GABRB1: variants seen among roughly 807,000 people sequenced by gnomAD.
GABRB1 encodes gamma-aminobutyric acid receptor subunit beta-1.
GABRB1 carries 17 observed loss-of-function variants against 51.6 expected under a neutral mutation model. The ratio of observed to expected loss-of-function variants is 0.33; its 90% CI spans 0.23 to 0.49. GABRB1 has a LOEUF of 0.49. GABRB1 is among the 20% of genes least tolerant of loss of function. The pLI is 0.99. For synonymous variants in GABRB1, 247 were observed against 218.9 expected (o/e 1.13, Z -1.14); for missense variants, 410 against 600.6 (o/e 0.68, Z 3.32).
chr4:47,368,814 A>G (rs1727083271), intron 5 of GABRB1, among the ~76,000 whole-genome samples: 1 of 152,164 alleles, frequency 6.6e-6, no homozygotes, highest in African/African-American at 2.4e-5. Context: ...ACTTTCATAA[A>G]AAGTTGCTCT....
chr4:47,085,816 G>A (rs1033529869), intron 3 of GABRB1, among the ~76,000 whole-genome samples: 8 of 152,100 alleles, frequency 5.3e-5, no homozygotes, highest in East Asian at 1.9e-4. Context: ...AATTTGTGCC[G>A]GCTGTGCCCT....
chr4:47,121,959 A>T (rs981730092), intron 3 of GABRB1, among the ~76,000 whole-genome samples: 1 of 151,824 alleles, frequency 6.6e-6, no homozygotes, highest in Non-Finnish European at 1.5e-5. Flanking sequence ...TTTGTTAGGC[A>T]TGATCTTCTT....
intron 4 of GABRB1, among the ~76,000 whole-genome samples, chr4:47,303,382 C>CTA (rs1196726749): frequency 2.4e-5 from 3 of 126,740 alleles, no homozygotes; most frequent in Non-Finnish European, 5.0e-5. Flanking sequence ...CTCTCTCTCT[C>CTA]TCTCTATATA....
chr4:47,410,007 G>A (rs1458789451), intron 8 of GABRB1, among the ~76,000 whole-genome samples: 2 of 152,268 alleles, frequency 1.3e-5, no homozygotes, highest in East Asian at 3.9e-4. Context: ...TTCATAAACA[G>A]GCTGTTTGAG....
chr4:47,322,769 G>A (rs189780523), intron 5 of GABRB1, among the ~76,000 whole-genome samples: 7 of 152,094 alleles, frequency 4.6e-5, no homozygotes, highest in East Asian at 1.9e-4. Context: ...TCAGGAGTTC[G>A]AGACCAGCCT....
At chr4:47,336,392 A>G (rs1035470566) in intron 5 of GABRB1, among the ~76,000 whole-genome samples, 7 of 152,218 alleles carry the variant, frequency 4.6e-5, no homozygotes, top group Non-Finnish European at 8.8e-5. Context: ...ATGTGCAAGC[A>G]CATTGTAAAT....
At chr4:47,403,009 A>G (rs1728448553) in intron 5 of GABRB1, among the ~76,000 whole-genome samples, 1 of 152,226 alleles carries the variant, frequency 6.6e-6, no homozygotes. Context: ...CCTAGAATTC[A>G]GCCATCCCCC....
At chr4:47,241,959 C>T (rs1381315349) in intron 4 of GABRB1, among the ~76,000 whole-genome samples, 1 of 151,950 alleles carries the variant, frequency 6.6e-6, no homozygotes, top group African/African-American at 2.4e-5. Context: ...CATATGTATA[C>T]ATGTGCCATG....
At chr4:47,195,444 ATGATAGATAGAT>A (rs769676449) in intron 4 of GABRB1, among the ~76,000 whole-genome samples, 66 of 28,598 alleles carry the variant, frequency 2.3e-3, no homozygotes, top group East Asian at 4.4e-3. Flanking sequence ...AGATAGATAG[ATGATAGATAGAT>A]TAGATGATAG....
intron 3 of GABRB1, among the ~76,000 whole-genome samples, chr4:47,119,875 G>A (rs1384530912): frequency 1.3e-5 from 2 of 151,928 alleles, no homozygotes; most frequent in East Asian, 3.9e-4. Flanking sequence ...TAGAAAAATA[G>A]TAACAGATTT....
rs1392851403 is a variant in GABRB1, at chr4:47,425,727, G to A, written c.1134G>A (p.Thr378=). The change falls in exon 9 of 9, where the codon ACG becomes ACA. Residue 378 remains threonine (T), a synonymous_variant. Coordinates refer to ENST00000295454, the MANE Select transcript of GABRB1 (RefSeq NM_000812.4). ...GCACCCTGGAAATCCGGAATGAGAC[G>A]AGTGGCTCGGAAGTGCTCACGAGCG... is the stretch of plus-strand genomic sequence containing the variant. The part of the protein sequence containing the change: ...LLSTLEIRNE[T]SGSEVLTSVS... 2 of 1,613,882 alleles carry A rather than the reference G, an allele frequency of 1.2e-6. No individual in the cohort carries two copies. The highest frequency in any genetic ancestry group is 2.2e-5 in the East Asian group (1 of 44,880).
chr4:47,256,594 C>T (rs1349951623), intron 4 of GABRB1, among the ~76,000 whole-genome samples: 1 of 152,132 alleles, frequency 6.6e-6, no homozygotes, highest in African/African-American at 2.4e-5. Flanking sequence ...GTAGGCTGTA[C>T]AGGTAGCATG....
chr4:47,175,623 C>G (rs985374234), intron 4 of GABRB1, among the ~76,000 whole-genome samples: 9 of 152,130 alleles, frequency 5.9e-5, no homozygotes, highest in African/African-American at 2.2e-4. Flanking sequence ...ATTATTAATT[C>G]TAATGATTAA....
At chr4:47,243,991 G>A (rs545795296) in intron 4 of GABRB1, among the ~76,000 whole-genome samples, 43 of 152,240 alleles carry the variant, frequency 2.8e-4, no homozygotes, top group African/African-American at 9.4e-4. Flanking sequence ...TCCAGTTTTT[G>A]CCCATTCACT....
chr4:47,048,992 T>G (rs1726224780), intron 3 of GABRB1, among the ~76,000 whole-genome samples: 1 of 152,012 alleles, frequency 6.6e-6, no homozygotes, highest in South Asian at 2.1e-4. Context: ...TTGCTGTTCT[T>G]GCTCTAGTTC....
At chr4:47,064,641 C>CAAAAAAA (rs33963952) in intron 3 of GABRB1, among the ~76,000 whole-genome samples, 18 of 57,966 alleles carry the variant, frequency 3.1e-4, no homozygotes, top group Non-Finnish European at 3.8e-4. Context: ...GACTCCATCT[C>CAAAAAAA]AAAAAAAAAA....
At chr4:47,032,753 G>C in intron 3 of GABRB1, 1 of 672,504 alleles carries the variant, frequency 1.5e-6, no homozygotes. Context: ...CTGCTGGGGC[G>C]GAGTCTGAGC....
chr4:47,313,514 T>G (rs977183186), intron 4 of GABRB1, among the ~76,000 whole-genome samples: 1 of 152,092 alleles, frequency 6.6e-6, no homozygotes, highest in African/African-American at 2.4e-5. Context: ...ACAAGAGCAA[T>G]CATTCTTAGA....
At chr4:47,026,340 T>A (rs1560500385) in intron 1 of GABRB1, among the ~76,000 whole-genome samples, 1 of 151,998 alleles carries the variant, frequency 6.6e-6, no homozygotes, top group Non-Finnish European at 1.5e-5. Context: ...TGGAAAGTGT[T>A]CACCAGATAA....
Sources: gnomAD v4.1 joint callset for allele counts (sites outside exome capture counted in the v4.1 genomes callset) on GRCh38, gnomAD v4.1.1 for gene constraint, MANE v1.5 for transcripts, NCBI Gene and HGNC (gene_info 2026-07-23, HGNC 2026-07-21) for gene names.